ADD1: variants seen among roughly 807,000 people sequenced by gnomAD.
The protein encoded by ADD1 is adducin 1, also known as alpha-adducin.
In ADD1, 24 loss-of-function variants were observed where a neutral mutation model predicts 80.5. The observed-to-expected ratio is 0.30, with a 90% CI of 0.22 to 0.42. ADD1 has a LOEUF of 0.42. Among genes scored for constraint, ADD1 ranks in the 10% least tolerant of loss-of-function variants. ADD1 has a pLI of 1.00. For synonymous variants in ADD1, 373 were observed against 393.8 expected, an observed-to-expected ratio of 0.95 and a Z score of 0.63; for missense variants, 948 against 1,019.0, an observed-to-expected ratio of 0.93 and a Z score of 0.95.
chr4:2,900,894 A>G (rs1341373976), intron 9 of ADD1: 1 of 152,286 alleles, frequency 6.6e-6, no homozygotes, highest in Non-Finnish European at 1.5e-5. Context: ...TGAACAGGAC[A>G]CAGTTCTTGC....
At chr4:2,928,062 TGTAGA>T (rs1712194275) in intron 15 of ADD1, 104 bp from the exon 16 acceptor site, 3 of 956,710 alleles carry the variant, frequency 3.1e-6, no homozygotes, top group African/African-American at 3.3e-5. Context: ...GGTAAAAATC[TGTAGA>T]GTAAAATAAA....
chr4:2,845,195 C>T (rs1265321898), intron 1 of ADD1, among the ~76,000 whole-genome samples: 3 of 152,096 alleles, frequency 2.0e-5, no homozygotes, highest in Admixed American at 2.0e-4. Flanking sequence ...ACCTCAGCCT[C>T]CCGAGTAGCT....
chr4:2,924,995 G>GGGCTGTGATGGC (rs1418215401), intron 14 of ADD1, among the ~76,000 whole-genome samples: 2 of 152,232 alleles, frequency 1.3e-5, no homozygotes, highest in Admixed American at 1.3e-4. Context: ...TCCTTCAGCA[G>GGGCTGTGATGGC]GGCTGTGATG....
chr4:2,847,244 A>T (rs747440484), intron 1 of ADD1, among the ~76,000 whole-genome samples: 9 of 151,614 alleles, frequency 5.9e-5, no homozygotes, highest in Non-Finnish European at 1.0e-4. Context: ...ACAACAGTGA[A>T]ACCTCATCTC....
At chr4:2,897,325 G>A (rs1235024637) in intron 6 of ADD1, among the ~76,000 whole-genome samples, 4 of 151,410 alleles carry the variant, frequency 2.6e-5, no homozygotes, top group African/African-American at 7.3e-5. Context: ...AGGACTCTAT[G>A]AACACTTAGA....
At chr4:2,867,173 A>G (rs1054726836) in intron 1 of ADD1, among the ~76,000 whole-genome samples, 1 of 152,152 alleles carries the variant, frequency 6.6e-6, no homozygotes, top group African/African-American at 2.4e-5. Flanking sequence ...TGTGTGTGAG[A>G]ACATTGTTCT....
chr4:2,845,506 T>A (rs1354734547), intron 1 of ADD1, among the ~76,000 whole-genome samples: 1 of 152,246 alleles, frequency 6.6e-6, no homozygotes, highest in Non-Finnish European at 1.5e-5. Context: ...TACAATGGTA[T>A]GGACAGCTGG....
At chr4:2,918,474 C>CT in intron 14 of ADD1, among the ~76,000 whole-genome samples, 1 of 152,344 alleles carries the variant, frequency 6.6e-6, no homozygotes. Context: ...GACAATTTGA[C>CT]TTCCTCTCTT....
chr4:2,876,045 G>C lies in ADD1; in HGVS notation c.130G>C (p.Asp44His). The C allele has an allele frequency of 3.7e-6, 6 of 1,614,102 alleles. No homozygotes were observed. Among genetic ancestry groups the C allele is most frequent in the Non-Finnish European group, 4.2e-6 (5 of 1,180,002 alleles). The change falls in exon 2 of 16, where the codon GAC (aspartate) becomes CAC (histidine). Residue 44 changes from aspartate (D) to histidine (H), a missense_variant. Coordinates refer to ENST00000683351, the MANE Select transcript of ADD1 (RefSeq NM_001354761.2). ...EYLRERNMAP[D>H]LRQDFNMMEQ... Reference sequence around the variant, plus strand: ...CTTGAGGGAGAGGAACATGGCACCAGACCTTCGCCAGGACTTCAACATGAT... The same window carrying C: ...CTTGAGGGAGAGGAACATGGCACCACACCTTCGCCAGGACTTCAACATGAT...
chr4:2,844,787 C>T (rs1725923573), intron 1 of ADD1: 1 of 152,176 alleles, frequency 6.6e-6, no homozygotes, highest in Non-Finnish European at 1.5e-5. Context: ...AAGCAATTGT[C>T]ATATCTCCAA....
rs747789048 is a variant in ADD1, at chr4:2,898,478, G to A, written c.931G>A (p.Val311Ile). 1.7e-5 allele frequency: 27 copies of A among 1,614,060 alleles called. No homozygotes were observed. Among genetic ancestry groups the A allele is most frequent in the East Asian group, 2.2e-5 (1 of 44,902 alleles). ...TGGGCTCGTGTCAGTTGGAGAGAGC[G>A]TTGAGGAGGCCTTCTATTACATCCA... Reference protein sequence around the residue: ...NHGLVSVGESVEEAFYYIHNL... With the variant: ...NHGLVSVGESIEEAFYYIHNL... The change falls in exon 8 of 16, where the codon GTT becomes ATT. Residue 311 changes from valine to isoleucine, a missense_variant. Coordinates refer to ENST00000683351, the MANE Select transcript of ADD1 (RefSeq NM_001354761.2).
intron 14 of ADD1, among the ~76,000 whole-genome samples, chr4:2,923,254 G>A (rs1031210151): frequency 1.3e-5 from 2 of 152,238 alleles, no homozygotes; most frequent in Non-Finnish European, 2.9e-5. Context: ...TTGAAACCCA[G>A]GGTCCTGGTG....
intron 2 of ADD1, among the ~76,000 whole-genome samples, chr4:2,880,776 A>G (rs1732181626): frequency 6.6e-6 from 1 of 151,920 alleles, no homozygotes; most frequent in Non-Finnish European, 1.5e-5. Flanking sequence ...TGCCTGGCCG[A>G]TATTTATTTC....
chr4:2,906,941 A>G (rs1481175562), intron 10 of ADD1, among the ~76,000 whole-genome samples: 1 of 152,160 alleles, frequency 6.6e-6, no homozygotes, highest in African/African-American at 2.4e-5. Flanking sequence ...GGCTTGTTTT[A>G]ATGTTCAGTG....
In ADD1 at chr4:2,928,660, G is replaced by A. The variant is rs1430400504; in HGVS notation, c.*137G>A. ...GCCTAGAGGTCCCCTCACGTGACCAGCCCCGTGTAGCCCCGGGCTGACCCA... is the reference window on the plus strand; with the variant it reads ...GCCTAGAGGTCCCCTCACGTGACCAACCCCGTGTAGCCCCGGGCTGACCCA... On this transcript the variant is annotated 3_prime_UTR_variant, in exon 16 of 16. Coordinates refer to ENST00000683351, the MANE Select transcript of ADD1 (RefSeq NM_001354761.2). 17 of 856,096 alleles carry A rather than the reference G, an allele frequency of 2.0e-5. No individual in the cohort carries two copies. In the East Asian group the frequency reaches 4.6e-4, roughly 23 times the overall value. 53.0% of individuals were successfully genotyped at this position (856,096 alleles called of 1,614,324 possible). A position where few individuals can be genotyped will look rare whatever the true frequency, so the allele number is the denominator to read the frequency against.
At chr4:2,883,281 G>A (rs1490684869) in intron 3 of ADD1, among the ~76,000 whole-genome samples, 1 of 151,636 alleles carries the variant, frequency 6.6e-6, no homozygotes, top group Non-Finnish European at 1.5e-5. Flanking sequence ...GAAATAATAA[G>A]TTGGTTTCCA....
chr4:2,850,133 G>C (rs1726845426), intron 1 of ADD1, among the ~76,000 whole-genome samples: 1 of 152,230 alleles, frequency 6.6e-6, no homozygotes, highest in South Asian at 2.1e-4. Context: ...GTTGGCAATA[G>C]AAAGGATTGA....
At chr4:2,896,871 ACCTCAGCCT>A (rs1023700713) in intron 6 of ADD1, among the ~76,000 whole-genome samples, 1 of 151,802 alleles carries the variant, frequency 6.6e-6, no homozygotes, top group Non-Finnish European at 1.5e-5. Context: ...CGATTCTCCC[ACCTCAGCCT>A]CCTGAGTAGG....
chr4:2,906,045 A>AG (rs1394631510), intron 10 of ADD1, among the ~76,000 whole-genome samples: 1 of 152,362 alleles, frequency 6.6e-6, no homozygotes, highest in East Asian at 1.9e-4. Flanking sequence ...AAATTAGATT[A>AG]GATGCTCCTA....
Sources: allele counts gnomAD v4.1 joint callset (sites outside exome capture counted in the v4.1 genomes callset), GRCh38; gene constraint gnomAD v4.1.1; transcripts MANE v1.5; gene names NCBI Gene and HGNC (gene_info 2026-07-23, HGNC 2026-07-21).